The following COL4A3 variants were observed in gnomAD, a reference collection of about 807,000 sequenced individuals.
The protein encoded by COL4A3 is collagen type IV alpha 3 chain.
Under a neutral mutation model 217.4 loss-of-function variants are expected in COL4A3, and 135 were observed. That is an observed-to-expected ratio of 0.62 (90% CI 0.54 to 0.72). The LOEUF is 0.72. COL4A3 is among the 30% of genes least tolerant of loss of function. The pLI is 0.00. For missense variants in COL4A3, 1,868 were observed against 2,119.9 expected (o/e 0.88, Z 2.33); for synonymous variants, 690 against 736.3 (o/e 0.94, Z 1.02).
chr2:227,179,955 C>T (rs754944977), intron 1 of COL4A3, among the ~76,000 whole-genome samples: 3 of 152,112 alleles, frequency 2.0e-5, no homozygotes, highest in Non-Finnish European at 2.9e-5. Context: ...GTAAGTGCAA[C>T]GGAGCCAGAA....
intron 1 of COL4A3, among the ~76,000 whole-genome samples, chr2:227,208,350 G>T (rs1289783549): frequency 1.3e-5 from 2 of 152,070 alleles, no homozygotes; most frequent in African/African-American, 4.8e-5. Context: ...TCCCCAAATT[G>T]CTCCTGGGGG....
intron 1 of COL4A3, among the ~76,000 whole-genome samples, chr2:227,178,947 T>A (rs1307779887): frequency 2.0e-5 from 3 of 151,832 alleles, no homozygotes; most frequent in Non-Finnish European, 4.4e-5. Context: ...TTTAAAAAAA[T>A]AAATCATCAT....
At chr2:227,300,049 G>C (rs1246553843) in intron 43 of COL4A3, among the ~76,000 whole-genome samples, 1 of 152,034 alleles carries the variant, frequency 6.6e-6, no homozygotes, top group Non-Finnish European at 1.5e-5. Flanking sequence ...ATAAATACTT[G>C]GTTCTTTCAA....
intron 1 of COL4A3, among the ~76,000 whole-genome samples, chr2:227,223,563 C>CCCGG (rs1553744628): frequency 1.3e-5 from 2 of 151,248 alleles, no homozygotes; most frequent in Non-Finnish European, 2.9e-5. Flanking sequence ...GTGAGACGCC[C>CCCGG]CCCCAACTCT....
intron 1 of COL4A3, among the ~76,000 whole-genome samples, chr2:227,220,104 G>A (rs1241667658): frequency 1.3e-5 from 2 of 149,584 alleles, no homozygotes; most frequent in Admixed American, 1.3e-4. Flanking sequence ...TCCATTAATG[G>A]ACCAGAGCTT....
Position 227,283,841 on chromosome 2 carries a change from A to G in COL4A3, c.2731A>G (p.Thr911Ala). 2 of 1,613,572 alleles carry G rather than the reference A, an allele frequency of 1.2e-6. No homozygotes were observed. Among genetic ancestry groups the G allele is most frequent in the Non-Finnish European group, 1.7e-6 (2 of 1,179,484 alleles). ...TCCAGGGCCCCCTGGGAACCCAGGC[A>G]CACCAGGGCAGAGGGGTAAGTGATA... ...GPPGPPGNPG[T>A]PGQRGSPGIP... The change falls in exon 33 of 52, where the codon ACA (threonine) becomes GCA (alanine). Residue 911 changes from threonine to alanine, a missense_variant. Physicochemically the swap from Thr to Ala is moderately conservative, Grantham distance 58. Transcript: ENST00000396578.
chr2:227,213,597 G>A (rs922069133), intron 1 of COL4A3, among the ~76,000 whole-genome samples: 2 of 152,042 alleles, frequency 1.3e-5, no homozygotes, highest in African/African-American at 4.8e-5. Flanking sequence ...CCGCTTTTTA[G>A]ATGATTAAAA....
chr2:227,269,810 C>G, intron 23 of COL4A3, 100 bp from the exon 24 acceptor site: 2 of 977,452 alleles, frequency 2.0e-6, no homozygotes, highest in South Asian at 2.7e-5. Flanking sequence ...TCTTTCTTTC[C>G]CCACAAGGAA....
chr2:227,173,732 AC>A (rs2065575489), intron 1 of COL4A3, among the ~76,000 whole-genome samples: 1 of 152,252 alleles, frequency 6.6e-6, no homozygotes, highest in African/African-American at 2.4e-5. Flanking sequence ...TTTTATTTAT[AC>A]CAATACATCT....
At chr2:227,276,972 T>C (rs959666531) in intron 27 of COL4A3, among the ~76,000 whole-genome samples, 4 of 152,210 alleles carry the variant, frequency 2.6e-5, no homozygotes, top group African/African-American at 9.6e-5. Context: ...TTCCTAAAGA[T>C]TAGTCCATTG....
At chr2:227,311,081 C>T in intron 51 of COL4A3, 133 bp downstream of exon 51, 1 of 804,180 alleles carries the variant, frequency 1.2e-6, no homozygotes, top group East Asian at 2.6e-5. Flanking sequence ...TGGGTTTTGT[C>T]ATCACTAAAC....
chr2:227,223,109 G>A (rs187948648), intron 1 of COL4A3, among the ~76,000 whole-genome samples: 1 of 151,364 alleles, frequency 6.6e-6, no homozygotes, highest in Admixed American at 6.6e-5. Context: ...TTTAATACTT[G>A]ATATGCTAAG....
intron 1 of COL4A3, among the ~76,000 whole-genome samples, chr2:227,234,768 C>T (rs145608147): frequency 4.9e-4 from 75 of 152,270 alleles, no homozygotes; most frequent in Admixed American, 2.0e-3. Flanking sequence ...AAGCTAAGAC[C>T]GAAAGATTTC....
chr2:227,274,424 T>C (rs904560753), intron 26 of COL4A3, among the ~76,000 whole-genome samples: 1 of 152,012 alleles, frequency 6.6e-6, no homozygotes, highest in African/African-American at 2.4e-5. Context: ...TATGTAAATC[T>C]TATTTTATGA....
Position 227,312,038 on chromosome 2 carries a change from A to G in COL4A3, c.*168A>G. 7.9e-7 allele frequency: 1 copy of G among 1,269,040 alleles called. No individual in the cohort carries two copies. 78.6% of individuals were successfully genotyped at this position (1,269,040 alleles called of 1,614,324 possible). ...CAAAACAAAGCAATTCTTTCAAGTC[A>G]GTTCTGTGATCTGGGTCTCTAATCT... On this transcript the variant is annotated 3_prime_UTR_variant, in exon 52 of 52. Transcript: ENST00000396578.
At chr2:227,202,956 TATATGTGTATATATGTGTATATATAC>T (rs1559820327) in intron 1 of COL4A3, among the ~76,000 whole-genome samples, 4 of 17,588 alleles carry the variant, frequency 2.3e-4, no homozygotes, top group Non-Finnish European at 3.8e-4. Context: ...TATATATACA[TATATGTGTATATATGTGTATATATAC>T]ATATGTGTAT....
chr2:227,222,179 A>ATAATAAT (rs143247405), intron 1 of COL4A3, among the ~76,000 whole-genome samples: 2 of 133,784 alleles, frequency 1.5e-5, no homozygotes, highest in Non-Finnish European at 3.4e-5. Context: ...AATGATAATA[A>ATAATAAT]AAAGCTCCTT....
At chr2:227,198,551 T>C (rs1574540014) in intron 1 of COL4A3, among the ~76,000 whole-genome samples, 1 of 152,224 alleles carries the variant, frequency 6.6e-6, no homozygotes, top group Non-Finnish European at 1.5e-5. Context: ...CATTAAATAA[T>C]TTCTTTATTC....
chr2:227,189,472 T>C (rs897731231), intron 1 of COL4A3, among the ~76,000 whole-genome samples: 4 of 152,246 alleles, frequency 2.6e-5, no homozygotes, highest in Middle Eastern at 3.4e-3. Context: ...ATCAACGTGA[T>C]GTGGTGATGA....
Sources: allele counts gnomAD v4.1 joint callset (sites outside exome capture counted in the v4.1 genomes callset), GRCh38; gene constraint gnomAD v4.1.1; transcripts MANE v1.5; gene names NCBI Gene and HGNC (gene_info 2026-07-23, HGNC 2026-07-21).